LRRC4C: variants seen among roughly 807,000 people sequenced by gnomAD.
The protein encoded by LRRC4C is leucine rich repeat containing 4C.
A neutral mutation model predicts 33.6 loss-of-function variants in LRRC4C; 5 were observed. The observed-to-expected ratio is 0.15, with a 90% CI of 0.08 to 0.31. The LOEUF (loss-of-function observed/expected upper bound fraction) is 0.31. Ranked by LOEUF, LRRC4C falls within the 10% of genes least tolerant of loss-of-function variation. The pLI is 1.00. For missense variants in LRRC4C, 560 were observed against 796.7 expected (o/e 0.70, Z 3.58); for synonymous variants, 329 against 302.0 (o/e 1.09, Z -0.93).
At chr11:41,237,274 C>T (rs750465198) in intron 1 of LRRC4C, among the ~76,000 whole-genome samples, 2 of 152,134 alleles carry the variant, frequency 1.3e-5, no homozygotes, top group African/African-American at 4.8e-5. Context: ...AATGATTCAG[C>T]TTATGTATAC....
chr11:40,519,246 AT>A (rs1372725786), intron 3 of LRRC4C, among the ~76,000 whole-genome samples: 7 of 152,180 alleles, frequency 4.6e-5, no homozygotes, highest in Non-Finnish European at 1.0e-4. Context: ...TAATAAAAAA[AT>A]CAAATAGTTT....
At chr11:40,827,959 T>C (rs1952237730) in intron 2 of LRRC4C, among the ~76,000 whole-genome samples, 1 of 151,726 alleles carries the variant, frequency 6.6e-6, no homozygotes, top group Non-Finnish European at 1.5e-5. Context: ...AATTACAATA[T>C]CTTTATAGAG....
intron 3 of LRRC4C, among the ~76,000 whole-genome samples, chr11:40,639,554 A>G (rs1941981833): frequency 6.6e-6 from 1 of 152,220 alleles, no homozygotes; most frequent in Non-Finnish European, 1.5e-5. Flanking sequence ...ACAATTTGTT[A>G]TTGCTGCGCC....
At chr11:41,388,785 C>A (rs562484894) in intron 1 of LRRC4C, among the ~76,000 whole-genome samples, 1 of 151,788 alleles carries the variant, frequency 6.6e-6, no homozygotes, top group Non-Finnish European at 1.5e-5. Context: ...AGGGTTCTTA[C>A]CAGTTAGTGC....
intron 2 of LRRC4C, among the ~76,000 whole-genome samples, chr11:40,699,667 C>T (rs1240001523): frequency 6.6e-6 from 1 of 152,108 alleles, no homozygotes; most frequent in African/African-American, 2.4e-5. Flanking sequence ...GTGCTAGGTG[C>T]TGGTGACACA....
intron 1 of LRRC4C, among the ~76,000 whole-genome samples, chr11:40,972,187 A>G (rs1851773532): frequency 6.9e-6 from 1 of 145,310 alleles, no homozygotes; most frequent in Non-Finnish European, 1.5e-5. Flanking sequence ...CCCAGGCTGG[A>G]GTGCAGTGGT....
chr11:40,287,129 G>A (rs1485733110), intron 4 of LRRC4C, among the ~76,000 whole-genome samples: 1 of 152,016 alleles, frequency 6.6e-6, no homozygotes. Context: ...ACCTAGAGAG[G>A]TAAGTTGAAT....
Position 40,540,493 on chromosome 11 carries a change from AC to A in LRRC4C, c.-270+107648del, listed in dbSNP as rs796270134. On this transcript the variant is annotated intron_variant, in intron 3 of 6. Transcript: ENST00000528697. Reference sequence around the variant, plus strand: ...TTTGTCAGGAGTATTGTAGATCCTGACCAAATATTTTATAAATTGTAGGAAG... The same window carrying A: ...TTTGTCAGGAGTATTGTAGATCCTGACAAATATTTTATAAATTGTAGGAAG... 5.3e-5 allele frequency among the ~76,000 whole-genome samples: 8 copies of A among 152,190 alleles called. No individual in the cohort carries two copies. The South Asian group carries it at 1.7e-3, about 32-fold the overall frequency.
intron 4 of LRRC4C, among the ~76,000 whole-genome samples, chr11:40,257,600 G>T (rs1224780686): frequency 6.6e-6 from 1 of 152,046 alleles, no homozygotes; most frequent in Non-Finnish European, 1.5e-5. Flanking sequence ...TTTCTTTCCT[G>T]GTCATTGGTT....
chr11:40,637,474 A>G (rs927247931), intron 3 of LRRC4C, among the ~76,000 whole-genome samples: 3 of 152,156 alleles, frequency 2.0e-5, no homozygotes, highest in African/African-American at 7.2e-5. Context: ...TTTGAAGTAG[A>G]TATTATTTAT....
At chr11:40,241,241 G>A (rs1212368074) in intron 5 of LRRC4C, among the ~76,000 whole-genome samples, 1 of 152,028 alleles carries the variant, frequency 6.6e-6, no homozygotes, top group Non-Finnish European at 1.5e-5. Flanking sequence ...AGTTAGCCAG[G>A]CATGGTAGTG....
chr11:41,127,954 C>T (rs1942827213), intron 1 of LRRC4C, among the ~76,000 whole-genome samples: 2 of 152,108 alleles, frequency 1.3e-5, no homozygotes, highest in South Asian at 4.1e-4. Flanking sequence ...ACTTCCATTG[C>T]TTCGCAAGCC....
intron 3 of LRRC4C, among the ~76,000 whole-genome samples, chr11:40,404,362 C>T (rs187500993): frequency 9.2e-5 from 14 of 152,264 alleles, no homozygotes; most frequent in African/African-American, 3.1e-4. Flanking sequence ...TTTTAAGCCA[C>T]TAGATTTTGT....
At position 40,343,145 on chromosome 11, in the gene LRRC4C, A is replaced by G. The variant is rs12279836; in HGVS notation, c.-269-23424T>C. On this transcript the variant is annotated intron_variant, in intron 3 of 6. Transcript: ENST00000528697. Reference sequence around the variant, plus strand: ...ATTATATATAAACTGACTCACTACCATTGGAAATTCATATTAGTGGAACTC... The same window carrying G: ...ATTATATATAAACTGACTCACTACCGTTGGAAATTCATATTAGTGGAACTC... Among the ~76,000 whole-genome samples the G allele has an allele frequency of 3.2e-3, 494 of 152,252 alleles. 3 individuals are homozygous for G. The highest frequency in any genetic ancestry group is 0.011 in the African/African-American group (473 of 41,572).
intron 1 of LRRC4C, among the ~76,000 whole-genome samples, chr11:40,981,093 C>G (rs1358898837): frequency 6.6e-6 from 1 of 152,118 alleles, no homozygotes; most frequent in Non-Finnish European, 1.5e-5. Flanking sequence ...GGCTGGGATT[C>G]AAACCATCTG....
intron 1 of LRRC4C, among the ~76,000 whole-genome samples, chr11:41,009,579 C>T (rs909937802): frequency 1.3e-5 from 2 of 152,026 alleles, no homozygotes; most frequent in African/African-American, 4.8e-5. Flanking sequence ...AAAAAAAAAT[C>T]AGAGAATCTG....
Position 40,291,811 on chromosome 11 carries a change from G to C in LRRC4C, c.-176+27817C>G, listed in dbSNP as rs190359963. On this transcript the variant is annotated intron_variant, in intron 4 of 6. Transcript: ENST00000528697. ...AATGAAATTTAAATTGAGTCCCTTC[G>C]ATTTCCAATAGCGAAACATTTGTGC... 2.2e-3 allele frequency among the ~76,000 whole-genome samples: 332 copies of C among 152,194 alleles called. 2 individuals are homozygous for C. Among genetic ancestry groups the C allele is most frequent in the Non-Finnish European group, 3.4e-3 (234 of 68,016 alleles).
intron 3 of LRRC4C, among the ~76,000 whole-genome samples, chr11:40,575,242 C>T (rs1267547936): frequency 1.3e-5 from 2 of 152,212 alleles, no homozygotes; most frequent in African/African-American, 4.8e-5. Context: ...AAGCGCACGT[C>T]ATGGGGTTCC....
intron 3 of LRRC4C, among the ~76,000 whole-genome samples, chr11:40,540,818 A>G (rs998361465): frequency 6.6e-6 from 1 of 152,134 alleles, no homozygotes; most frequent in Admixed American, 6.6e-5. Flanking sequence ...TCTCTCTTCT[A>G]TAGAAAGGTC....
Sources: gnomAD v4.1 joint callset for allele counts (sites outside exome capture counted in the v4.1 genomes callset) on GRCh38, gnomAD v4.1.1 for gene constraint, MANE v1.5 for transcripts, NCBI Gene and HGNC (gene_info 2026-07-23, HGNC 2026-07-21) for gene names.